Variants in LINC00305 observed in about 807,000 individuals in gnomAD.
The protein encoded by LINC00305 is long intergenic non-protein coding RNA 305.
At chr18:64,144,110 T>C (rs1599234592) in intron 1 of LINC00305, among the ~76,000 whole-genome samples, 1 of 152,186 alleles carries the variant, frequency 6.6e-6, no homozygotes, top group Non-Finnish European at 1.5e-5. Flanking sequence ...CCAGCACTGA[T>C]TGGAAAAGAA....
intron 1 of LINC00305, among the ~76,000 whole-genome samples, chr18:64,106,900 G>T (rs1262319212): frequency 2.0e-5 from 3 of 152,206 alleles, no homozygotes; most frequent in East Asian, 3.8e-4. Context: ...AGAAATGAAG[G>T]CTCCTGGTTA....
chr18:64,130,656 C>A (rs1427823972), intron 1 of LINC00305, among the ~76,000 whole-genome samples: 1 of 152,128 alleles, frequency 6.6e-6, no homozygotes, highest in African/African-American at 2.4e-5. Flanking sequence ...AGGAGGGATT[C>A]ATCAGCTCTG....
At chr18:64,090,655 C>G (rs1240235820) in intron 3 of LINC00305, among the ~76,000 whole-genome samples, 1 of 152,164 alleles carries the variant, frequency 6.6e-6, no homozygotes, top group Non-Finnish European at 1.5e-5. Flanking sequence ...GATAATTGTA[C>G]TGAAATATGA....
At chr18:64,133,656 T>C (rs1599227988) in intron 1 of LINC00305, among the ~76,000 whole-genome samples, 1 of 152,180 alleles carries the variant, frequency 6.6e-6, no homozygotes, top group Admixed American at 6.5e-5. Flanking sequence ...TGCACAGGCC[T>C]ATTTCTAGAG....
rs966842189 is a variant in LINC00305, at chr18:64,088,769, T to C, written n.541-8367A>G. Reference sequence around the variant, plus strand: ...TTTTGGAAAACTTGCATTTTGAAGATTGCAATGGTGGAAGACCTCATCAGG... The same window carrying C: ...TTTTGGAAAACTTGCATTTTGAAGACTGCAATGGTGGAAGACCTCATCAGG... On this transcript the variant is annotated intron_variant and non_coding_transcript_variant, in intron 3 of 3. Transcript: ENST00000666468. Among the ~76,000 whole-genome samples, 53 of 152,154 alleles carry C rather than the reference T, an allele frequency of 3.5e-4. 1 individual carries two copies. Among genetic ancestry groups the C allele is most frequent in the African/African-American group, 1.3e-3 (52 of 41,444 alleles).
intron 3 of LINC00305, among the ~76,000 whole-genome samples, chr18:64,091,209 G>A (rs2051223685): frequency 6.6e-6 from 1 of 152,166 alleles, no homozygotes; most frequent in Admixed American, 6.5e-5. Flanking sequence ...TAGAAGGTGC[G>A]ACCTCTCTGG....
intron 3 of LINC00305, among the ~76,000 whole-genome samples, chr18:64,094,402 G>C (rs2051236924): frequency 6.6e-6 from 1 of 152,116 alleles, no homozygotes; most frequent in Non-Finnish European, 1.5e-5. Context: ...GGTGAGGGTC[G>C]ACTGTGGGCA....
At chr18:64,097,409 T>A (rs1166885421) in intron 3 of LINC00305, among the ~76,000 whole-genome samples, 1 of 152,172 alleles carries the variant, frequency 6.6e-6, no homozygotes, top group Non-Finnish European at 1.5e-5. Flanking sequence ...TTATAATTAC[T>A]ACTCAAGACA....
intron 1 of LINC00305, among the ~76,000 whole-genome samples, chr18:64,113,911 T>G (rs1053672151): frequency 2.0e-5 from 3 of 152,200 alleles, no homozygotes; most frequent in African/African-American, 7.2e-5. Flanking sequence ...TACTGGTATA[T>G]TCACAAATAA....
chr18:64,080,897 G>C lies in LINC00305; in HGVS notation n.541-495C>G, dbSNP rs369439621. Among the ~76,000 whole-genome samples the C allele has an allele frequency of 2.2e-4, 33 of 152,030 alleles. No homozygotes were observed. In the East Asian group the frequency reaches 5.4e-3, roughly 25 times the overall value. On this transcript the variant is annotated intron_variant and non_coding_transcript_variant, in intron 3 of 3. Transcript: ENST00000666468. Reference sequence around the variant, plus strand: ...TCTTTTTCTTTTCTGTCATAACCATGAATTATTAATAAAAGAAAAAGAAAA... The same window carrying C: ...TCTTTTTCTTTTCTGTCATAACCATCAATTATTAATAAAAGAAAAAGAAAA...
At chr18:64,111,450 T>G (rs2051314251) in intron 1 of LINC00305, among the ~76,000 whole-genome samples, 1 of 152,244 alleles carries the variant, frequency 6.6e-6, no homozygotes, top group African/African-American at 2.4e-5. Flanking sequence ...AGCTTCTGAA[T>G]GCAGCTCAAA....
intron 1 of LINC00305, among the ~76,000 whole-genome samples, chr18:64,131,268 G>A (rs1228898191): frequency 1.3e-5 from 2 of 152,168 alleles, no homozygotes; most frequent in African/African-American, 4.8e-5. Flanking sequence ...TTTTTAAAAT[G>A]CGGTATTCAT....
At chr18:64,114,869 A>G (rs1434516754) in intron 1 of LINC00305, among the ~76,000 whole-genome samples, 1 of 152,206 alleles carries the variant, frequency 6.6e-6, no homozygotes, top group Non-Finnish European at 1.5e-5. Context: ...TTTTTTGAAA[A>G]TGAGCTTGTG....
intron 1 of LINC00305, among the ~76,000 whole-genome samples, chr18:64,148,519 T>A (rs527353726): frequency 6.6e-6 from 1 of 152,156 alleles, no homozygotes; most frequent in Admixed American, 6.5e-5. Context: ...GCCTCCAAAG[T>A]GGAACAAGGT....
At chr18:64,116,669 G>A (rs1313377805) in intron 1 of LINC00305, among the ~76,000 whole-genome samples, 1 of 152,136 alleles carries the variant, frequency 6.6e-6, no homozygotes, top group Non-Finnish European at 1.5e-5. Flanking sequence ...CAGACATTGT[G>A]AGAGGATTGC....
chr18:64,140,349 C>T (rs2051456137), intron 1 of LINC00305, among the ~76,000 whole-genome samples: 1 of 152,158 alleles, frequency 6.6e-6, no homozygotes, highest in South Asian at 2.1e-4. Flanking sequence ...GCTGGGATTA[C>T]AGGCACCTGC....
intron 1 of LINC00305, among the ~76,000 whole-genome samples, chr18:64,133,483 A>G (rs1360611103): frequency 2.0e-5 from 3 of 152,216 alleles, no homozygotes; most frequent in African/African-American, 2.4e-5. Flanking sequence ...AATGTAAGTC[A>G]TAAGTGACTC....
At chr18:64,127,730 G>A (rs1241666239) in intron 1 of LINC00305, among the ~76,000 whole-genome samples, 2 of 152,138 alleles carry the variant, frequency 1.3e-5, no homozygotes, top group African/African-American at 4.8e-5. Flanking sequence ...ATCTCTGTTC[G>A]AACTTCTACC....
intron 1 of LINC00305, among the ~76,000 whole-genome samples, chr18:64,103,332 A>G (rs1240445927): frequency 2.0e-5 from 3 of 152,158 alleles, no homozygotes; most frequent in Non-Finnish European, 4.4e-5. Context: ...TGAAAGTTCA[A>G]ATGAGTGTGG....
Sources: allele counts gnomAD v4.1 joint callset (sites outside exome capture counted in the v4.1 genomes callset), GRCh38; gene constraint gnomAD v4.1.1; transcripts MANE v1.5; gene names NCBI Gene and HGNC (gene_info 2026-07-23, HGNC 2026-07-21).